The following DCDC2C variants were observed in gnomAD, a reference collection of about 807,000 sequenced individuals.
DCDC2C encodes the protein doublecortin domain-containing protein 2C.
Under a neutral mutation model 45.0 loss-of-function variants are expected in DCDC2C, and 44 were observed. The observed-to-expected ratio is 0.98, with a 90% CI of 0.77 to 1.26. The LOEUF (loss-of-function observed/expected upper bound fraction) is 1.26, where lower values mean the gene tolerates loss of function less well. DCDC2C is among the 50% of genes most tolerant of loss of function. The pLI is 0.00. For synonymous variants in DCDC2C, 187 were observed against 178.8 expected (o/e 1.05, Z -0.37); for missense variants, 447 against 468.9 (o/e 0.95, Z 0.43).
At chr2:3,799,953 G>A (rs576934350) in intron 10 of DCDC2C, among the ~76,000 whole-genome samples, 109 of 152,316 alleles carry the variant, frequency 7.2e-4, no homozygotes, top group Admixed American at 1.2e-3. Flanking sequence ...AATGGCGGGC[G>A]CCCCTCCCCC....
intron 8 of DCDC2C, 149 bp downstream of exon 8, chr2:3,769,560 C>G: frequency 1.4e-6 from 1 of 711,790 alleles, no homozygotes; most frequent in Non-Finnish European, 2.3e-6. Context: ...CTGCTCATCT[C>G]AGATCCTGTG....
intron 9 of DCDC2C, among the ~76,000 whole-genome samples, chr2:3,781,819 A>ACTG (rs1422140411): frequency 6.6e-6 from 1 of 152,136 alleles, no homozygotes; most frequent in Non-Finnish European, 1.5e-5. Flanking sequence ...GCAGTGAGTT[A>ACTG]CAGTTGTGCC....
At chr2:3,766,630 C>T (rs1268590644) in intron 6 of DCDC2C, among the ~76,000 whole-genome samples, 1 of 152,072 alleles carries the variant, frequency 6.6e-6, no homozygotes, top group Non-Finnish European at 1.5e-5. Context: ...GATTGAAAAC[C>T]TGGCAGTTTG....
chr2:3,740,826 TTACTC>T (rs148511756), intron 3 of DCDC2C, among the ~76,000 whole-genome samples: 3,008 of 152,272 alleles, frequency 0.02, 78 homozygotes, highest in African/African-American at 0.062. Context: ...AGATTTATAT[TTACTC>T]TAAAGAGAGA....
chr2:3,831,429 ATGACCGTAC>A (rs1671950045), intron 10 of DCDC2C, among the ~76,000 whole-genome samples: 1 of 152,232 alleles, frequency 6.6e-6, no homozygotes, highest in Admixed American at 6.5e-5. Context: ...TGTACAGTAA[ATGACCGTAC>A]TGAATAACAT....
intron 1 of DCDC2C, 92 bp from the exon 2 acceptor site, chr2:3,708,457 T>C (rs1451620590): frequency 1.0e-6 from 1 of 989,536 alleles, no homozygotes; most frequent in Non-Finnish European, 1.5e-6. Context: ...TTGTATCTAT[T>C]AAGCCGGAAA....
At chr2:3,813,062 TA>T (rs1558238740) in intron 10 of DCDC2C, among the ~76,000 whole-genome samples, 643 of 38,508 alleles carry the variant, frequency 0.017, 9 homozygotes, top group South Asian at 0.043. Flanking sequence ...TATATATATA[TA>T]TATATTTTTT....
At chr2:3,756,076 A>ATG (rs557602828) in intron 6 of DCDC2C, among the ~76,000 whole-genome samples, 4,777 of 149,958 alleles carry the variant, frequency 0.032, 99 homozygotes, top group East Asian at 0.052. Flanking sequence ...ATGGATGCAT[A>ATG]TGTGTGTGTG....
At chr2:3,731,225 A>T (rs1057187266) in intron 3 of DCDC2C, among the ~76,000 whole-genome samples, 7 of 152,198 alleles carry the variant, frequency 4.6e-5, no homozygotes, top group African/African-American at 1.7e-4. Flanking sequence ...GGCTCCAGGC[A>T]GCAGGTCCTT....
intron 3 of DCDC2C, among the ~76,000 whole-genome samples, chr2:3,730,160 G>T (rs1255051383): frequency 6.6e-6 from 1 of 152,180 alleles, no homozygotes; most frequent in Non-Finnish European, 1.5e-5. Context: ...TGGATACAAA[G>T]AAGCCAGAGG....
chr2:3,812,424 T>G (rs557427841), intron 10 of DCDC2C, among the ~76,000 whole-genome samples: 64 of 152,312 alleles, frequency 4.2e-4, no homozygotes, highest in African/African-American at 1.5e-3. Context: ...GGGTCAGTGG[T>G]GATATCCCCT....
At chr2:3,728,879 C>T (rs1668778441) in intron 3 of DCDC2C, among the ~76,000 whole-genome samples, 1 of 152,148 alleles carries the variant, frequency 6.6e-6, no homozygotes. Flanking sequence ...CCCGGGGCTC[C>T]CCTGATGGGG....
chr2:3,833,592 C>T (rs1672003188), intron 10 of DCDC2C, among the ~76,000 whole-genome samples: 1 of 152,122 alleles, frequency 6.6e-6, no homozygotes, highest in Non-Finnish European at 1.5e-5. Context: ...GCATGTCTAG[C>T]ATAAGGTCCT....
intron 8 of DCDC2C, among the ~76,000 whole-genome samples, chr2:3,771,018 T>C (rs1670149081): frequency 6.6e-6 from 1 of 152,240 alleles, no homozygotes; most frequent in African/African-American, 2.4e-5. Flanking sequence ...AATGGAACTT[T>C]CTCGCTGTCA....
At chr2:3,784,796 C>A (rs1670607841) in intron 9 of DCDC2C, among the ~76,000 whole-genome samples, 1 of 152,052 alleles carries the variant, frequency 6.6e-6, no homozygotes, top group East Asian at 1.9e-4. Context: ...TGACATGCGC[C>A]TTTTGCATAA....
At chr2:3,778,519 CA>C (rs1558223091) in intron 8 of DCDC2C, among the ~76,000 whole-genome samples, 3 of 152,202 alleles carry the variant, frequency 2.0e-5, no homozygotes, top group African/African-American at 7.2e-5. Flanking sequence ...GTGGGGTCCT[CA>C]TGGTGTCCCA....
At chr2:3,788,799 T>TCCCTTCCTTCC (rs1403593097) in intron 10 of DCDC2C, among the ~76,000 whole-genome samples, 1 of 61,654 alleles carries the variant, frequency 1.6e-5, no homozygotes, top group Non-Finnish European at 3.4e-5. Flanking sequence ...CCTCCCTTCC[T>TCCCTTCCTTCC]TCCCTCCCTT....
At chr2:3,806,103 T>G (rs1227269344) in intron 10 of DCDC2C, among the ~76,000 whole-genome samples, 1 of 152,198 alleles carries the variant, frequency 6.6e-6, no homozygotes, top group Non-Finnish European at 1.5e-5. Context: ...CCCAAAGTGC[T>G]GGGTTTACAA....
intron 10 of DCDC2C, among the ~76,000 whole-genome samples, chr2:3,799,589 C>A (rs1239454677): frequency 6.6e-6 from 1 of 152,266 alleles, no homozygotes; most frequent in East Asian, 1.9e-4. Flanking sequence ...TTCTAACAGA[C>A]AGGACCCTCA....
Sources: gnomAD v4.1 joint callset for allele counts (sites outside exome capture counted in the v4.1 genomes callset) on GRCh38, gnomAD v4.1.1 for gene constraint, MANE v1.5 for transcripts, NCBI Gene and HGNC (gene_info 2026-07-23, HGNC 2026-07-21) for gene names.